Variants in SLC44A5 observed in about 807,000 individuals in gnomAD.
SLC44A5 encodes solute carrier family 44 member 5.
A neutral mutation model predicts 101.8 loss-of-function variants in SLC44A5; 57 were observed. That is an observed-to-expected ratio of 0.56 (90% confidence interval 0.45 to 0.70). The LOEUF (loss-of-function observed/expected upper bound fraction) is 0.70, where lower values mean the gene tolerates loss of function less well. SLC44A5 is among the 30% of genes least tolerant of loss of function. The pLI, the probability that SLC44A5 is intolerant of heterozygous loss-of-function variation, is 0.00. For synonymous variants in SLC44A5, 281 were observed against 290.9 expected (o/e 0.97, Z 0.35); for missense variants, 737 against 853.1 (o/e 0.86, Z 1.70).
intron 1 of SLC44A5, among the ~76,000 whole-genome samples, chr1:75,564,917 C>T (rs988481103): frequency 5.3e-5 from 8 of 152,126 alleles, no homozygotes; most frequent in African/African-American, 7.2e-5. Context: ...CCACTGCGCC[C>T]GGCCTATTTT....
At chr1:75,394,048 C>T (rs1298330829) in intron 3 of SLC44A5, among the ~76,000 whole-genome samples, 1 of 152,022 alleles carries the variant, frequency 6.6e-6, no homozygotes, top group African/African-American at 2.4e-5. Context: ...GATACAATTA[C>T]CTAGAAAAGT....
chr1:75,601,978 T>C (rs1187583136), intron 1 of SLC44A5, among the ~76,000 whole-genome samples: 1 of 152,190 alleles, frequency 6.6e-6, no homozygotes, highest in African/African-American at 2.4e-5. Context: ...GTGAAAATTC[T>C]GAATATTCAA....
Position 75,219,275 on chromosome 1 carries a change from A to G in SLC44A5, c.1248T>C (p.Asn416=). 4 of 1,612,336 alleles carry G rather than the reference A, an allele frequency of 2.5e-6. 1 individual carries two copies. The South Asian group carries it at 4.4e-5, about 18-fold the overall frequency. Residue 416 remains asparagine (N), a synonymous_variant, in exon 16 of 24, where the codon AAT becomes AAC. Coordinates refer to ENST00000370859, the MANE Select transcript of SLC44A5 (RefSeq NM_001130058.2). ...TACTTACCTCTGGGTCACAGGTTTG[A>G]TTTTCATGTATACAATGCCCCCCTG... ...IAPGGHCIHE[N]QTCDPEIFNT...
chr1:75,422,116 C>A (rs1422964917), intron 2 of SLC44A5, among the ~76,000 whole-genome samples: 1 of 151,960 alleles, frequency 6.6e-6, no homozygotes, highest in Non-Finnish European at 1.5e-5. Flanking sequence ...GCTTTTTCAC[C>A]CAGACTGATG....
At chr1:75,569,186 A>G (rs1672937825) in intron 1 of SLC44A5, among the ~76,000 whole-genome samples, 1 of 148,996 alleles carries the variant, frequency 6.7e-6, no homozygotes, top group South Asian at 2.1e-4. Context: ...CTAACCACCC[A>G]TCTTCAAATA....
chr1:75,580,515 TC>T (rs757386935), intron 1 of SLC44A5, among the ~76,000 whole-genome samples: 161 of 152,288 alleles, frequency 1.1e-3, no homozygotes, highest in Middle Eastern at 6.8e-3. Flanking sequence ...CAAAGTTGGT[TC>T]TTCTGAAGAA....
chr1:75,657,633 C>T, the SLC44A5 span, among the ~76,000 whole-genome samples: 3 of 151,176 alleles, frequency 2.0e-5, no homozygotes, highest in African/African-American at 7.3e-5. Context: ...ATATTTACAT[C>T]AGATAAAATA....
intron 3 of SLC44A5, among the ~76,000 whole-genome samples, chr1:75,356,287 T>C (rs1013441505): frequency 6.6e-6 from 1 of 151,444 alleles, no homozygotes; most frequent in African/African-American, 2.4e-5. Flanking sequence ...TCCGTGCATG[T>C]TATTGCTTCT....
At chr1:75,340,912 T>C (rs928879999) in intron 3 of SLC44A5, among the ~76,000 whole-genome samples, 4 of 152,252 alleles carry the variant, frequency 2.6e-5, no homozygotes, top group Non-Finnish European at 5.9e-5. Context: ...ATGGTCCTAA[T>C]GGCATTTATC....
chr1:75,641,612 T>C, the SLC44A5 span: 1 of 1,502,668 alleles, frequency 6.7e-7, no homozygotes, highest in African/African-American at 1.4e-5. Context: ...TTTGGGATTA[T>C]TTGGGTCACG....
At chr1:75,666,505 G>A in the SLC44A5 span, among the ~76,000 whole-genome samples, 1 of 152,136 alleles carries the variant, frequency 6.6e-6, no homozygotes, top group Non-Finnish European at 1.5e-5. Flanking sequence ...AGTTCTACCA[G>A]AGGTACAAAG....
the SLC44A5 span, among the ~76,000 whole-genome samples, chr1:75,668,326 T>TC: frequency 7.6e-6 from 1 of 131,836 alleles, no homozygotes; most frequent in Admixed American, 7.3e-5. Flanking sequence ...TTTTTTTTTT[T>TC]TTTTTTTTTT....
chr1:75,677,331 A>G, the SLC44A5 span, among the ~76,000 whole-genome samples: 2 of 152,296 alleles, frequency 1.3e-5, no homozygotes, highest in Non-Finnish European at 2.9e-5. Context: ...TGGAAACAAC[A>G]AAAAGAAAAA....
At chr1:75,521,404 A>G (rs2101895725) in intron 2 of SLC44A5, among the ~76,000 whole-genome samples, 1 of 152,172 alleles carries the variant, frequency 6.6e-6, no homozygotes, top group South Asian at 2.1e-4. Flanking sequence ...AAAAATCACA[A>G]CTTCTTCAGG....
chr1:75,556,984 C>T (rs774732179), intron 1 of SLC44A5, among the ~76,000 whole-genome samples: 1 of 151,990 alleles, frequency 6.6e-6, no homozygotes, highest in Non-Finnish European at 1.5e-5. Context: ...TGGCTGAATC[C>T]CCTAGCTTCC....
intron 4 of SLC44A5, among the ~76,000 whole-genome samples, chr1:75,330,799 G>A (rs1293314171): frequency 6.6e-6 from 1 of 151,954 alleles, no homozygotes; most frequent in East Asian, 1.9e-4. Flanking sequence ...AGTGGCCACT[G>A]CTGCTGAGCT....
At chr1:75,397,443 C>T (rs755630008) in intron 2 of SLC44A5, among the ~76,000 whole-genome samples, 4 of 152,078 alleles carry the variant, frequency 2.6e-5, no homozygotes, top group Admixed American at 6.6e-5. Flanking sequence ...TTTCATCAAT[C>T]GGACTAACAG....
At chr1:75,340,317 C>A (rs1249798483) in intron 3 of SLC44A5, among the ~76,000 whole-genome samples, 1 of 152,070 alleles carries the variant, frequency 6.6e-6, no homozygotes, top group African/African-American at 2.4e-5. Context: ...TGTGGGCAGA[C>A]CCAGTAACAA....
At chr1:75,478,988 C>T (rs544531954) in intron 2 of SLC44A5, among the ~76,000 whole-genome samples, 295 of 152,218 alleles carry the variant, frequency 1.9e-3, no homozygotes, top group Middle Eastern at 0.01. Flanking sequence ...CAAAATTGAC[C>T]GCATACTTGG....
Sources: allele counts gnomAD v4.1 joint callset (sites outside exome capture counted in the v4.1 genomes callset), GRCh38; gene constraint gnomAD v4.1.1; transcripts MANE v1.5; gene names NCBI Gene and HGNC (gene_info 2026-07-23, HGNC 2026-07-21).